Variants in TMEM209 observed in about 807,000 individuals in gnomAD.
TMEM209 encodes the protein transmembrane protein 209.
TMEM209 carries 65 observed loss-of-function variants against 76.2 expected under a neutral mutation model. The ratio of observed to expected loss-of-function variants is 0.85; its 90% CI spans 0.70 to 1.05. The LOEUF is 1.05. Among genes scored for constraint, TMEM209 ranks in the 50% least tolerant of loss-of-function variants. TMEM209 has a pLI of 0.00. For missense variants in TMEM209, 623 were observed against 685.5 expected, an observed-to-expected ratio of 0.91 and a Z score of 1.02; for synonymous variants, 239 against 237.6, an observed-to-expected ratio of 1.01 and a Z score of -0.06.
chr7:130,188,342 A>G (rs1353241165), intron 6 of TMEM209, among the ~76,000 whole-genome samples: 2 of 152,168 alleles, frequency 1.3e-5, no homozygotes, highest in Non-Finnish European at 2.9e-5. Flanking sequence ...CACACTTGTA[A>G]TCCCAGCACT....
At chr7:130,180,136 T>C (rs1346738392) in intron 9 of TMEM209, among the ~76,000 whole-genome samples, 1 of 152,198 alleles carries the variant, frequency 6.6e-6, no homozygotes, top group East Asian at 1.9e-4. Context: ...TTATAGTATA[T>C]ATATTTTAGG....
chr7:130,178,372 T>C lies in TMEM209; in HGVS notation c.1246+30A>G, dbSNP rs187430009. On this transcript the variant is annotated intron_variant, in intron 10 of 14. Coordinates refer to ENST00000397622, the MANE Select transcript of TMEM209 (RefSeq NM_032842.4). ...AAATTCCAGCATAGTAAAAAAGCTC[T>C]TATTTTTTTCTCTTCAAATCAATAA... 1.0e-5 allele frequency: 16 copies of C among 1,555,464 alleles called. No individual in the cohort carries two copies. The East Asian group carries it at 2.7e-4, about 27-fold the overall frequency.
In TMEM209 at chr7:130,192,702, T is replaced by C. The variant is rs775302666; in HGVS notation, c.695A>G (p.Lys232Arg). 5.0e-6 allele frequency: 8 copies of C among 1,613,850 alleles called. No individual in the cohort carries two copies. Among genetic ancestry groups the C allele is most frequent in the Non-Finnish European group, 6.8e-6 (8 of 1,179,774 alleles). Residue 232 changes from lysine to arginine, a missense_variant, in exon 6 of 15, where the codon AAA becomes AGA. Transcript: ENST00000397622. Reference protein sequence around the residue: ...SPTVYNSPTDKEDYMTDLRTL... With the variant: ...SPTVYNSPTDREDYMTDLRTL... ...TCGTAGGTCGGTCATGTAGTCTTCT[T>C]TGTCAGTAGGTGAGTTGTAGACGGT... is the stretch of plus-strand genomic sequence containing the variant.
At position 130,185,351 on chromosome 7, in the gene TMEM209, G is replaced by A; in HGVS notation, c.792C>T (p.Thr264=). 1.2e-6 allele frequency: 2 copies of A among 1,613,632 alleles called. No homozygotes were observed. The highest frequency in any genetic ancestry group is 1.3e-5 in the African/African-American group (1 of 75,024). The stretch of plus-strand genomic sequence containing the variant: ...AGAAAGTAGGACTGCTGGAAGGAGA[G>A]GTAGAATCTGGGCTCCCTACAATTG... ...HRVKLGSPDS[T]SPSSSPTFWN... The change falls in exon 7 of 15, where the codon ACC becomes ACT. Residue 264 remains threonine (T), a synonymous_variant. Transcript: ENST00000397622.
chr7:130,185,460 CAGAAGACCAACCCTCA>C, intron 6 of TMEM209, 93 bp from the exon 7 acceptor site: 12 of 1,072,666 alleles, frequency 1.1e-5, no homozygotes, highest in Non-Finnish European at 9.4e-6. Context: ...ATCCAGGAAT[CAGAAGACCAACCCTCA>C]AGGAGATTCT....
intron 13 of TMEM209, among the ~76,000 whole-genome samples, chr7:130,170,685 TA>T (rs1486277028): frequency 1.3e-5 from 2 of 152,070 alleles, no homozygotes; most frequent in African/African-American, 4.8e-5. Context: ...GTCAAGGACA[TA>T]AGGGCCAGTA....
intron 9 of TMEM209, among the ~76,000 whole-genome samples, chr7:130,179,383 CAACT>C (rs769629390): frequency 3.3e-5 from 5 of 152,090 alleles, no homozygotes; most frequent in Admixed American, 2.0e-4. Context: ...AATCTATAAA[CAACT>C]AATATACAGA....
At chr7:130,191,880 G>T (rs1263713085) in intron 6 of TMEM209, among the ~76,000 whole-genome samples, 2 of 152,136 alleles carry the variant, frequency 1.3e-5, no homozygotes, top group Admixed American at 6.5e-5. Flanking sequence ...AAAATAAGAA[G>T]ATAGTATTGA....
At chr7:130,174,001 C>G in intron 11 of TMEM209, 62 bp from the exon 12 acceptor site, 3 of 1,097,224 alleles carry the variant, frequency 2.7e-6, no homozygotes, top group Non-Finnish European at 2.7e-6. Flanking sequence ...GATGTAGAAC[C>G]CTTTAGAAAC....
At chr7:130,185,672 A>C (rs34718040) in intron 6 of TMEM209, among the ~76,000 whole-genome samples, 23,071 of 152,294 alleles carry the variant, frequency 0.15, 2,369 homozygotes, top group Middle Eastern at 0.23. Context: ...TCATTTAGTA[A>C]GAAACAAACA....
At position 130,201,076 on chromosome 7, in the gene TMEM209, G is replaced by A. The variant is rs200741718; in HGVS notation, c.573+774C>T. 4.9e-4 allele frequency among the ~76,000 whole-genome samples: 55 copies of A among 112,314 alleles called. 1 individual carries two copies. In the East Asian group the frequency reaches 8.9e-3, roughly 18 times the overall value. 73.7% of individuals were successfully genotyped at this position (112,314 alleles called of 152,430 possible). On this transcript the variant is annotated intron_variant, in intron 5 of 14. Transcript: ENST00000397622. ...TGCACTCCAGTCTAGGCAACAGAGC[G>A]AGACTCTGTCTCAAAAAAAAAAAAA...
chr7:130,188,595 C>CAAAAA (rs10649977), intron 6 of TMEM209, among the ~76,000 whole-genome samples: 123 of 72,608 alleles, frequency 1.7e-3, no homozygotes, highest in Middle Eastern at 0.011. Flanking sequence ...GACTCCGTAT[C>CAAAAA]AAAAAAAAAA....
rs763224860 is a variant in TMEM209 at position 130,204,006 on chromosome 7, A to G, written c.108T>C (p.Asn36=). Residue 36 remains asparagine (N), a synonymous_variant, in exon 2 of 15, where the codon AAT becomes AAC. Transcript: ENST00000397622. ...TATATATCATTCCAGCCATAGATAC[A>G]TTTAGGAGTCCCCAGGCTAAGACCA... ...RKVVLAWGLL[N]VSMAGMIYTE... is the part of the protein sequence containing the mutation. 4.3e-6 allele frequency: 7 copies of G among 1,613,732 alleles called. No homozygotes were observed. The Admixed American group carries it at 1.0e-4, about 23-fold the overall frequency.
At chr7:130,201,748 A>G in intron 5 of TMEM209, 102 bp downstream of exon 5, 1 of 1,425,066 alleles carries the variant, frequency 7.0e-7, no homozygotes, top group Non-Finnish European at 9.5e-7. Context: ...GGGCAAATCA[A>G]CTCTCAGTTT....
chr7:130,203,562 C>G (rs1994466), intron 3 of TMEM209, among the ~76,000 whole-genome samples: 37,257 of 152,082 alleles, frequency 0.24, 5,327 homozygotes, highest in East Asian at 0.59. Flanking sequence ...TTTTTCTTCA[C>G]AGAACTCATA....
At position 130,173,933 on chromosome 7, in the gene TMEM209, T is replaced by G. The variant is rs1797156769; in HGVS notation, c.1351A>C (p.Met451Leu). 6.2e-7 allele frequency: 1 copy of G among 1,601,196 alleles called. No homozygotes were observed. The highest frequency in any genetic ancestry group is 1.3e-5 in the African/African-American group (1 of 74,718). The change falls in exon 12 of 15, where the codon ATG becomes CTG. Residue 451 changes from methionine (M) to leucine (L), a missense_variant. Met to Leu is a conservative substitution (Grantham distance 15). Coordinates refer to ENST00000397622, the MANE Select transcript of TMEM209 (RefSeq NM_032842.4). ...TDLPTDSAII[M>L]HVFCTYLDSR... ...TCAAGGTAGGTGCAAAATACATGCA[T>G]GATGATCTGAGGATGAAGAAATAAT... is the stretch of plus-strand genomic sequence containing the variant.
Position 130,178,402 on chromosome 7 carries a change from C to A in TMEM209, c.1246G>T (p.Glu416Ter). 2 of 1,605,932 alleles carry A rather than the reference C, an allele frequency of 1.2e-6. No homozygotes were observed. The highest frequency in any genetic ancestry group is 2.2e-5 in the South Asian group (2 of 89,654). ...NQEYLFERIK[E>*]LSQGGCMSSF... is the part of the protein sequence containing the mutation. Reference sequence around the variant, plus strand: ...TTTTTCTCTTCAAATCAATAATTACCTTTGATCCTTTCAAACAAGTATTCC... The same window carrying A: ...TTTTTCTCTTCAAATCAATAATTACATTTGATCCTTTCAAACAAGTATTCC... The change falls in exon 10 of 15, where the codon GAA becomes TAA. Residue 416 changes from glutamate to a stop codon, truncating the protein, a stop_gained and splice_region_variant. Coordinates refer to ENST00000397622, the MANE Select transcript of TMEM209 (RefSeq NM_032842.4). LOFTEE classifies it high-confidence loss of function.
chr7:130,170,715 C>T (rs1239283570), intron 13 of TMEM209, among the ~76,000 whole-genome samples: 2 of 152,024 alleles, frequency 1.3e-5, no homozygotes, highest in East Asian at 1.9e-4. Flanking sequence ...AGACAGTAAA[C>T]TAAGAATCAC....
intron 5 of TMEM209, 128 bp from the exon 6 acceptor site, chr7:130,192,951 A>G (rs906155445): frequency 4.2e-5 from 35 of 827,102 alleles, no homozygotes; most frequent in East Asian, 1.6e-4. Flanking sequence ...TCAAACGCTG[A>G]TGAGGTTGTG....
Sources: gnomAD v4.1 joint callset for allele counts (sites outside exome capture counted in the v4.1 genomes callset) on GRCh38, gnomAD v4.1.1 for gene constraint, MANE v1.5 for transcripts, NCBI Gene and HGNC (gene_info 2026-07-23, HGNC 2026-07-21) for gene names.